The following SYT9 variants were observed in gnomAD, a reference collection of about 807,000 sequenced individuals.
The protein encoded by SYT9 is synaptotagmin-9.
A neutral mutation model predicts 48.4 loss-of-function variants in SYT9; 22 were observed. The observed-to-expected ratio is 0.45, with a 90% CI of 0.32 to 0.65. The LOEUF is 0.65. Ranked by LOEUF, SYT9 falls within the 30% of genes least tolerant of loss-of-function variation. The pLI is 0.03. For missense variants in SYT9, 577 were observed against 622.0 expected (o/e 0.93, Z 0.77); for synonymous variants, 265 against 245.0 (o/e 1.08, Z -0.76).
At chr11:7,375,036 GTTT>G (rs1850427949) in intron 3 of SYT9, among the ~76,000 whole-genome samples, 2 of 152,156 alleles carry the variant, frequency 1.3e-5, no homozygotes, top group South Asian at 4.1e-4. Context: ...TCCTTTTAGG[GTTT>G]TTATGGTTTT....
intron 6 of SYT9, among the ~76,000 whole-genome samples, chr11:7,445,957 C>A (rs1000091370): frequency 6.6e-6 from 1 of 152,242 alleles, no homozygotes; most frequent in Admixed American, 6.5e-5. Context: ...TACGTGGCTC[C>A]TGTGCTGAAG....
rs1425550760 is a variant in SYT9, at chr11:7,316,947, C to CT, written c.1044+3010dup. ...TGAAAATTCTTGTTCAGCACTTATTCTTTTGTTTTCCTTTCCTTGTTGATT... is the reference window on the plus strand; with the variant it reads ...TGAAAATTCTTGTTCAGCACTTATTCTTTTTGTTTTCCTTTCCTTGTTGATT... On this transcript the variant is annotated intron_variant, in intron 3 of 6. Coordinates refer to ENST00000318881, the MANE Select transcript of SYT9 (RefSeq NM_175733.4). 5.9e-5 allele frequency among the ~76,000 whole-genome samples: 9 copies of CT among 152,266 alleles called. No individual in the cohort carries two copies. The South Asian group carries it at 1.7e-3, about 28-fold the overall frequency.
At position 7,252,313 on chromosome 11, in the gene SYT9, C is replaced by T. The variant is rs376791191; in HGVS notation, c.127C>T (p.Pro43Ser). 6.9e-5 allele frequency: 103 copies of T among 1,498,352 alleles called. No individual in the cohort carries two copies. The highest frequency in any genetic ancestry group is 9.0e-5 in the Non-Finnish European group (101 of 1,122,838). The allele number at this position is 1,498,352 out of a possible 1,614,324, so 92.8% of individuals were successfully genotyped here. ...FIYHLRDRAR[P>S]RLRDPDISVS... ...TTACCACCTGCGGGACCGTGCCAGA[C>T]CCCGGCTCCGCGACCCAGGTGAGTG... Residue 43 changes from proline (P) to serine (S), a missense_variant, in exon 1 of 7, where the codon CCC (proline) becomes TCC (serine). Pro to Ser is a moderately conservative substitution (Grantham distance 74). Coordinates refer to ENST00000318881, the MANE Select transcript of SYT9 (RefSeq NM_175733.4). This position sits in a 1 kb window ranked among gnomAD's most constrained non-coding sequence, Gnocchi z 6.3.
chr11:7,387,855 G>A (rs976586061), intron 3 of SYT9, among the ~76,000 whole-genome samples: 4 of 152,048 alleles, frequency 2.6e-5, no homozygotes, highest in Admixed American at 6.6e-5. Flanking sequence ...CCATGTAAAC[G>A]TGAAAACATG....
chr11:7,396,704 G>T (rs958024285), intron 3 of SYT9, among the ~76,000 whole-genome samples: 2 of 152,112 alleles, frequency 1.3e-5, no homozygotes, highest in African/African-American at 4.8e-5. Context: ...GAGATGGTCA[G>T]TTCCTCCACA....
At chr11:7,271,051 C>T (rs1278179563) in intron 1 of SYT9, among the ~76,000 whole-genome samples, 5 of 151,966 alleles carry the variant, frequency 3.3e-5, no homozygotes, top group African/African-American at 1.2e-4. Flanking sequence ...ATAATAGTCA[C>T]TATTATTTGG....
chr11:7,411,268 G>A (rs186366016), intron 3 of SYT9, among the ~76,000 whole-genome samples: 1 of 152,128 alleles, frequency 6.6e-6, no homozygotes, highest in Admixed American at 6.5e-5. Context: ...TTTTGGTTTG[G>A]TTGTTTTCTG....
rs1043553668 is a variant in SYT9, at chr11:7,252,847, C to G, written c.145+516C>G. Among the ~76,000 whole-genome samples, 2 of 152,214 alleles carry G rather than the reference C, an allele frequency of 1.3e-5. No homozygotes were observed. Among genetic ancestry groups the G allele is most frequent in the African/African-American group, 2.4e-5 (1 of 41,452 alleles). On this transcript the variant is annotated intron_variant, in intron 1 of 6. Coordinates refer to ENST00000318881, the MANE Select transcript of SYT9 (RefSeq NM_175733.4). The surrounding 1 kb of genome is among the most constrained non-coding windows in gnomAD (Gnocchi z 6.3). ...GGTATGGGGTGAGAAGGGCGGGACG[C>G]GATCCGGCGTTGGGCCGGGGACAGG...
At chr11:7,363,115 A>G (rs1850177057) in intron 3 of SYT9, among the ~76,000 whole-genome samples, 1 of 150,726 alleles carries the variant, frequency 6.6e-6, no homozygotes, top group South Asian at 2.1e-4. Context: ...TTGAATCTCC[A>G]CTAGTACTAT....
intron 6 of SYT9, among the ~76,000 whole-genome samples, chr11:7,423,025 A>G (rs1367226462): frequency 6.6e-6 from 1 of 152,250 alleles, no homozygotes; most frequent in Non-Finnish European, 1.5e-5. Flanking sequence ...GTCATTTGTT[A>G]CAGCGGCTAA....
At chr11:7,462,955 A>G (rs1296988343) in intron 6 of SYT9, among the ~76,000 whole-genome samples, 1 of 152,192 alleles carries the variant, frequency 6.6e-6, no homozygotes, top group East Asian at 1.9e-4. Context: ...GTCACTTCAC[A>G]TTACAGTTTT....
At chr11:7,449,070 A>C (rs1229030829) in intron 6 of SYT9, among the ~76,000 whole-genome samples, 1 of 152,148 alleles carries the variant, frequency 6.6e-6, no homozygotes, top group East Asian at 1.9e-4. Flanking sequence ...GAGGTCAGGC[A>C]TGGTGGCTCA....
intron 2 of SYT9, among the ~76,000 whole-genome samples, chr11:7,311,288 A>C: frequency 6.6e-6 from 1 of 152,230 alleles, no homozygotes; most frequent in East Asian, 1.9e-4. Flanking sequence ...AGTTGACAAC[A>C]GTGACACTTC....
chr11:7,324,772 A>G (rs1473449476), intron 3 of SYT9, among the ~76,000 whole-genome samples: 1 of 151,866 alleles, frequency 6.6e-6, no homozygotes, highest in African/African-American at 2.4e-5. Context: ...AGATTATTTG[A>G]TATCTGTTCA....
intron 6 of SYT9, among the ~76,000 whole-genome samples, chr11:7,422,656 T>C (rs1211970175): frequency 2.6e-5 from 4 of 152,212 alleles, no homozygotes; most frequent in Non-Finnish European, 5.9e-5. Context: ...TCTGTGCTTC[T>C]CAGGAAACAA....
At chr11:7,276,321 T>C (rs925774534) in intron 1 of SYT9, among the ~76,000 whole-genome samples, 2 of 152,214 alleles carry the variant, frequency 1.3e-5, no homozygotes, top group Admixed American at 6.5e-5. Flanking sequence ...TTCTGTCTTA[T>C]TGCACCTCTT....
chr11:7,417,825 C>T, intron 4 of SYT9, 132 bp from the exon 5 acceptor site: 1 of 821,178 alleles, frequency 1.2e-6, no homozygotes, highest in Admixed American at 3.1e-5. Context: ...TAATGACAGT[C>T]CTCCAACTCC....
At chr11:7,403,212 C>T in intron 3 of SYT9, among the ~76,000 whole-genome samples, 1 of 152,044 alleles carries the variant, frequency 6.6e-6, no homozygotes, top group Middle Eastern at 3.2e-3. Context: ...TAATTCAGGT[C>T]AAAATACTTT....
At chr11:7,462,806 G>A (rs1848258425) in intron 6 of SYT9, among the ~76,000 whole-genome samples, 1 of 152,030 alleles carries the variant, frequency 6.6e-6, no homozygotes, top group Non-Finnish European at 1.5e-5. Context: ...GAGCCCTTAG[G>A]TACTTCCTGT....
Sources: gnomAD v4.1 joint callset for allele counts (sites outside exome capture counted in the v4.1 genomes callset) on GRCh38, gnomAD v4.1.1 for gene constraint, Gnocchi (gnomAD v3.1) non-coding constraint, MANE v1.5 for transcripts, NCBI Gene and HGNC (gene_info 2026-07-23, HGNC 2026-07-21) for gene names.